The following AGFG1 variants were observed in gnomAD, a reference collection of about 807,000 sequenced individuals.
AGFG1 encodes the protein ArfGAP with FG repeats 1.
AGFG1 carries 10 observed loss-of-function variants against 60.6 expected under a neutral mutation model. The observed-to-expected ratio is 0.16, with a 90% confidence interval of 0.10 to 0.28. AGFG1 has a LOEUF of 0.28. Ranked by LOEUF, AGFG1 falls within the 10% of genes least tolerant of loss-of-function variation. The probability of loss-of-function intolerance (pLI) is 1.00; values close to 1 mark genes in which losing one functional copy is unlikely to be tolerated. For synonymous variants in AGFG1, 247 were observed against 242.9 expected (o/e 1.02, Z -0.16); for missense variants, 537 against 676.5 (o/e 0.79, Z 2.29).
chr2:227,505,022 A>C (rs1691267924), intron 2 of AGFG1, among the ~76,000 whole-genome samples: 1 of 152,174 alleles, frequency 6.6e-6, no homozygotes, highest in Non-Finnish European at 1.5e-5. Context: ...ATAGAATTGG[A>C]CAGCTGGTGT....
At position 227,501,498 on chromosome 2, in the gene AGFG1, C is replaced by T. The variant is rs563990241; in HGVS notation, c.261+9858C>T. 5.3e-5 allele frequency among the ~76,000 whole-genome samples: 8 copies of T among 152,296 alleles called. No homozygotes were observed. In the East Asian group the frequency reaches 1.5e-3, roughly 29 times the overall value. ...TTTGGATGAGTTTTGATCATTGCTT[C>T]CAATTTGGTAATCCAAAGCCCTATA... is the stretch of plus-strand genomic sequence containing the variant. On this transcript the variant is annotated intron_variant, in intron 2 of 12. Coordinates refer to ENST00000310078, the MANE Select transcript of AGFG1 (RefSeq NM_004504.5).
intron 1 of AGFG1, among the ~76,000 whole-genome samples, chr2:227,488,630 A>G (rs1353623793): frequency 2.6e-5 from 4 of 152,246 alleles, no homozygotes; most frequent in Admixed American, 6.5e-5. Flanking sequence ...TGAGAGAACA[A>G]TAAGATGTTA....
chr2:227,544,280 C>T (rs1692578873), intron 10 of AGFG1, among the ~76,000 whole-genome samples: 1 of 150,954 alleles, frequency 6.6e-6, no homozygotes, highest in South Asian at 2.1e-4. Flanking sequence ...TCAGCCTTCC[C>T]AGTAGCTTGG....
At chr2:227,533,785 CA>C in intron 7 of AGFG1, 27 bp downstream of exon 7, 1 of 1,578,762 alleles carries the variant, frequency 6.3e-7, no homozygotes, top group Non-Finnish European at 8.7e-7. Context: ...AAAACAAATA[CA>C]AATTTGTGTT....
Position 227,536,821 on chromosome 2 carries a change from T to C in AGFG1, c.1286-80T>C, listed in dbSNP as rs960713886. On this transcript the variant is annotated intron_variant, in intron 9 of 12. Coordinates refer to ENST00000310078, the MANE Select transcript of AGFG1 (RefSeq NM_004504.5). ...ATCAGAATCCTTGAGTTTTCTGTCTTGATAAATATAGTGAAATAATTTAAA... is the reference window on the plus strand; with the variant it reads ...ATCAGAATCCTTGAGTTTTCTGTCTCGATAAATATAGTGAAATAATTTAAA... 4 of 1,543,256 alleles carry C rather than the reference T, an allele frequency of 2.6e-6. No individual in the cohort carries two copies. In the African/African-American group the frequency reaches 5.5e-5, roughly 21 times the overall value.
intron 2 of AGFG1, among the ~76,000 whole-genome samples, chr2:227,513,602 T>G (rs1305453821): frequency 1.3e-5 from 2 of 152,194 alleles, no homozygotes; most frequent in African/African-American, 4.8e-5. Flanking sequence ...GATATAACAC[T>G]CTCACTTGTG....
Position 227,553,897 on chromosome 2 carries a change from A to G in AGFG1, c.1629+102A>G, listed in dbSNP as rs1692895344. The G allele has an allele frequency of 2.9e-6, 2 of 682,038 alleles. 1 individual carries two copies. Among genetic ancestry groups the G allele is most frequent in the South Asian group, 4.0e-5 (2 of 49,402 alleles). 42.2% of individuals were successfully genotyped at this position (682,038 alleles called of 1,614,324 possible). ...ATTCCTAGATGGTATTTGGTGTTAT[A>G]TTGATATGAGTGACATCATAAGATT... On this transcript the variant is annotated intron_variant, in intron 12 of 12. Transcript: ENST00000310078.
rs1690116959 is a variant in AGFG1, at chr2:227,472,377, G to T, written c.-45G>T. ...GACCGCGGGCCCCCGGCGCAGCGCTGCCCGGCTCCCGGCCCTGCCGGCCTC... is the reference window on the plus strand; with the variant it reads ...GACCGCGGGCCCCCGGCGCAGCGCTTCCCGGCTCCCGGCCCTGCCGGCCTC... On this transcript the variant is annotated 5_prime_UTR_variant, in exon 1 of 13. Transcript: ENST00000310078. 1 of 1,260,004 alleles carries T rather than the reference G, an allele frequency of 7.9e-7. No homozygotes were observed. The highest frequency in any genetic ancestry group is 1.0e-6 in the Non-Finnish European group (1 of 982,342). The allele number at this position is 1,260,004 out of a possible 1,614,324, so 78.1% of individuals were successfully genotyped here.
chr2:227,524,016 C>T (rs1319397685), intron 4 of AGFG1, 91 bp downstream of exon 4: 2 of 1,229,736 alleles, frequency 1.6e-6, no homozygotes, highest in South Asian at 1.7e-5. Flanking sequence ...GCAGCATAAT[C>T]TTGTATGCCA....
At position 227,548,853 on chromosome 2, in the gene AGFG1, C is replaced by T. The variant is rs570354508; in HGVS notation, c.1379-3106C>T. ...TTGGGAGGCTGAGGCAGGAGAATGGCGTGAACCCGGGAGGTGGAGCTTGCA... is the reference window on the plus strand; with the variant it reads ...TTGGGAGGCTGAGGCAGGAGAATGGTGTGAACCCGGGAGGTGGAGCTTGCA... On this transcript the variant is annotated intron_variant, in intron 10 of 12. Transcript: ENST00000310078. Among the ~76,000 whole-genome samples, 28 of 152,184 alleles carry T rather than the reference C, an allele frequency of 1.8e-4. No individual in the cohort carries two copies. In the East Asian group the frequency reaches 3.7e-3, roughly 20 times the overall value.
chr2:227,480,962 C>T (rs1690440086), intron 1 of AGFG1, among the ~76,000 whole-genome samples: 1 of 152,148 alleles, frequency 6.6e-6, no homozygotes. Context: ...AAGTCTGATG[C>T]TATTCTTATT....
intron 1 of AGFG1, among the ~76,000 whole-genome samples, chr2:227,483,882 T>G (rs1296597301): frequency 6.6e-6 from 1 of 152,182 alleles, no homozygotes; most frequent in Admixed American, 6.5e-5. Flanking sequence ...TTTTTGGTTT[T>G]GTTTTGATTT....
chr2:227,536,948 G>A lies in AGFG1; in HGVS notation c.1333G>A (p.Ala445Thr), dbSNP rs576713176. ...TGTTGCTGCTGCTGGTCCTTCTGTG[G>A]CATCTTCTACAAACCCATTTCAGAC... Reference protein sequence around the residue: ...PFVAAAGPSVASSTNPFQTNA... With the variant: ...PFVAAAGPSVTSSTNPFQTNA... The change falls in exon 10 of 13, where the codon GCA (alanine) becomes ACA (threonine). Residue 445 changes from alanine to threonine, a missense_variant. Transcript: ENST00000310078. The A allele has an allele frequency of 6.2e-7, 1 of 1,613,010 alleles. No homozygotes were observed. The highest frequency in any genetic ancestry group is 1.3e-5 in the African/African-American group (1 of 74,968).
chr2:227,535,200 C>T lies in AGFG1; in HGVS notation c.1205+175C>T, dbSNP rs550177266. ...TAAAATATAATCCTTGAATAATTGC[C>T]ATAATTTTATCTTTTCATTGAATCA... On this transcript the variant is annotated intron_variant, in intron 8 of 12. Transcript: ENST00000310078. Among the ~76,000 whole-genome samples the T allele has an allele frequency of 8.6e-5, 13 of 152,018 alleles. 1 individual carries two copies. The South Asian group carries it at 2.7e-3, about 32-fold the overall frequency.
chr2:227,555,647 A>G lies in AGFG1; in HGVS notation c.*1152A>G, dbSNP rs1226297389. On this transcript the variant is annotated 3_prime_UTR_variant, in exon 13 of 13. Transcript: ENST00000310078. ...TGGAACTCAGTGTTACCTTAAAGTT[A>G]CGGAATACTTTGTTTTAAAGGAAAA... The G allele has an allele frequency of 6.6e-6, 1 of 152,562 alleles. No homozygotes were observed. The highest frequency in any genetic ancestry group is 1.5e-5 in the Non-Finnish European group (1 of 68,004). 9.5% of individuals were successfully genotyped at this position (152,562 alleles called of 1,614,324 possible).
chr2:227,483,353 G>GT (rs1390179355), intron 1 of AGFG1, among the ~76,000 whole-genome samples: 1 of 152,070 alleles, frequency 6.6e-6, no homozygotes, highest in Non-Finnish European at 1.5e-5. Flanking sequence ...CAGGACTACA[G>GT]TTTTTTTATT....
At chr2:227,532,794 G>A (rs1692200901) in intron 6 of AGFG1, among the ~76,000 whole-genome samples, 1 of 152,078 alleles carries the variant, frequency 6.6e-6, no homozygotes, top group Admixed American at 6.6e-5. Flanking sequence ...ACTGGTTTTA[G>A]TCTTTTGATA....
At chr2:227,523,520 A>G (rs1358559897) in intron 3 of AGFG1, among the ~76,000 whole-genome samples, 1 of 152,280 alleles carries the variant, frequency 6.6e-6, no homozygotes, top group East Asian at 1.9e-4. Flanking sequence ...ACCATAAATA[A>G]GTAATTGAAA....
chr2:227,490,394 C>T (rs895155817), intron 1 of AGFG1, among the ~76,000 whole-genome samples: 10 of 151,902 alleles, frequency 6.6e-5, no homozygotes, highest in Non-Finnish European at 1.5e-4. Context: ...CTGGCTAACA[C>T]GGTGAAACCC....
Sources: allele counts gnomAD v4.1 joint callset (sites outside exome capture counted in the v4.1 genomes callset), GRCh38; gene constraint gnomAD v4.1.1; transcripts MANE v1.5; gene names NCBI Gene and HGNC (gene_info 2026-07-23, HGNC 2026-07-21).